GCC2: variants seen among roughly 807,000 people sequenced by gnomAD.
GCC2 encodes the protein GRIP and coiled-coil domain containing 2.
In GCC2, 120 loss-of-function variants were observed where a neutral mutation model predicts 210.6. The ratio of observed to expected loss-of-function variants is 0.57; its 90% confidence interval spans 0.49 to 0.66. The LOEUF (loss-of-function observed/expected upper bound fraction) is 0.66. GCC2 is among the 30% of genes least tolerant of loss of function. GCC2 has a pLI of 0.00. For synonymous variants in GCC2, 703 were observed against 652.7 expected, an observed-to-expected ratio of 1.08 and a Z score of -1.17; for missense variants, 1,868 against 1,871.9, an observed-to-expected ratio of 1.00 and a Z score of 0.04.
rs1198919570 is a variant in GCC2, at chr2:108,469,770, A to C, written c.441A>C (p.Glu147Asp). 1.9e-6 allele frequency: 3 copies of C among 1,613,760 alleles called. No individual in the cohort carries two copies. Among genetic ancestry groups the C allele is most frequent in the Non-Finnish European group, 2.5e-6 (3 of 1,179,808 alleles). ...TGGCAGTACGTTCCAAATACAGTGA[A>C]GACAAAGCTAACTTACAAAAGCAGC... ...ELMAVRSKYS[E>D]DKANLQKQLE... is the part of the protein sequence containing the mutation. The change falls in exon 6 of 23, where the codon GAA becomes GAC. Residue 147 changes from glutamate to aspartate, a missense_variant. By Grantham distance (45) the Glu-to-Asp change is conservative (BLOSUM62 2). This residue lies in a region of GCC2 where 1,847 missense variants were observed against 1,765.2 expected (regional missense o/e 1.05). Coordinates refer to ENST00000309863, the MANE Select transcript of GCC2 (RefSeq NM_181453.4).
intron 4 of GCC2, among the ~76,000 whole-genome samples, chr2:108,454,156 A>G (rs1306685338): frequency 6.6e-6 from 1 of 152,012 alleles, no homozygotes. Context: ...ATGCCTGGCT[A>G]ATTTTTTGTA....
intron 22 of GCC2, among the ~76,000 whole-genome samples, chr2:108,503,728 A>G (rs908258277): frequency 5.3e-5 from 8 of 152,226 alleles, no homozygotes; most frequent in Non-Finnish European, 1.0e-4. Context: ...TGTAAAGTTT[A>G]TAACAGTATT....
At chr2:108,500,462 G>C (rs1682862868) in intron 22 of GCC2, among the ~76,000 whole-genome samples, 1 of 152,146 alleles carries the variant, frequency 6.6e-6, no homozygotes, top group Non-Finnish European at 1.5e-5. Flanking sequence ...GCAGTGAGCT[G>C]TCACGCCACT....
At chr2:108,486,726 C>A in intron 16 of GCC2, 78 bp downstream of exon 16, 2 of 1,352,996 alleles carry the variant, frequency 1.5e-6, no homozygotes, top group East Asian at 2.4e-5. Flanking sequence ...CAGGGCTGTG[C>A]TCTGCCTTTT....
chr2:108,480,341 CAG>C, intron 9 of GCC2, among the ~76,000 whole-genome samples: 1 of 152,210 alleles, frequency 6.6e-6, no homozygotes, highest in Admixed American at 6.5e-5. Context: ...TTGTGGAAAA[CAG>C]ATTCCTCAAA....
At chr2:108,463,334 T>C (rs1255111945) in intron 4 of GCC2, among the ~76,000 whole-genome samples, 1 of 152,210 alleles carries the variant, frequency 6.6e-6, no homozygotes, top group Non-Finnish European at 1.5e-5. Context: ...CTTTTTCCAG[T>C]TTTTTTAATT....
rs1380914128 is a variant in GCC2 at position 108,486,582 on chromosome 2, C to G, written c.3864C>G (p.His1288Gln). The G allele has an allele frequency of 3.1e-6, 5 of 1,613,950 alleles. 1 individual carries two copies. In the African/African-American group the frequency reaches 6.7e-5, roughly 22 times the overall value. The change falls in exon 16 of 23, where the codon CAC becomes CAG. Residue 1288 changes from histidine (H) to glutamine (Q), a missense_variant. Physicochemically the swap from His to Gln is conservative, Grantham distance 24. Coordinates refer to ENST00000309863, the MANE Select transcript of GCC2 (RefSeq NM_181453.4). ...ACCTGAAAACCTCTGCGGAACAGCACCAGCGTACGCTAAGTGCATACCAGC... is the reference window on the plus strand; with the variant it reads ...ACCTGAAAACCTCTGCGGAACAGCAGCAGCGTACGCTAAGTGCATACCAGC... ...HEHLKTSAEQHQRTLSAYQQR... is the reference protein window; with the variant it reads ...HEHLKTSAEQQQRTLSAYQQR...
rs185077799 is a variant in GCC2, at chr2:108,453,469, T to C, written c.216+1003T>C. ...ATAATACTGCCAGATAACAAAATAT[T>C]GTTTTTATTCCCCGTTTAAAAACCT... On this transcript the variant is annotated intron_variant, in intron 4 of 22. Transcript: ENST00000309863. Among the ~76,000 whole-genome samples, 334 of 152,336 alleles carry C rather than the reference T, an allele frequency of 2.2e-3. 2 individuals are homozygous for C. The highest frequency in any genetic ancestry group is 2.9e-3 in the Non-Finnish European group (195 of 68,032).
chr2:108,502,271 T>A (rs1339590901), intron 22 of GCC2, among the ~76,000 whole-genome samples: 1 of 152,222 alleles, frequency 6.6e-6, no homozygotes, highest in Non-Finnish European at 1.5e-5. Context: ...ACTCAGCATG[T>A]CTAACAGGCC....
chr2:108,466,335 C>T (rs1028359684), intron 4 of GCC2, among the ~76,000 whole-genome samples: 11 of 152,038 alleles, frequency 7.2e-5, no homozygotes, highest in Non-Finnish European at 4.4e-5. Flanking sequence ...GCCACCACAC[C>T]CGGCCAACAT....
chr2:108,474,706 T>A (rs1681418467), intron 7 of GCC2: 1 of 151,686 alleles, frequency 6.6e-6, no homozygotes, highest in Admixed American at 6.6e-5. Flanking sequence ...ACCTGTCCCC[T>A]ACCCTCTTTA....
At chr2:108,449,308 C>CA in intron 1 of GCC2, 28 bp downstream of exon 1, 1 of 1,546,130 alleles carries the variant, frequency 6.5e-7, no homozygotes, top group East Asian at 2.5e-5. Context: ...CACTGCCTCC[C>CA]ATCAAGCCTT....
At chr2:108,494,382 A>G (rs1682542293) in intron 19 of GCC2, 1 of 152,270 alleles carries the variant, frequency 6.6e-6, no homozygotes, top group African/African-American at 2.4e-5. Context: ...TCAGAAAAAA[A>G]AAAAACACTA....
intron 4 of GCC2, among the ~76,000 whole-genome samples, chr2:108,456,295 C>G (rs1394040932): frequency 1.3e-5 from 2 of 152,116 alleles, no homozygotes; most frequent in Admixed American, 1.3e-4. Flanking sequence ...TGAGAAATCC[C>G]CAACTGTTTT....
At chr2:108,476,190 G>T (rs1224251077) in intron 9 of GCC2, among the ~76,000 whole-genome samples, 1 of 151,222 alleles carries the variant, frequency 6.6e-6, no homozygotes, top group African/African-American at 2.4e-5. Context: ...CTCCCGAGTA[G>T]CTGGGACTAC....
chr2:108,506,526 A>T (rs1401449991), intron 22 of GCC2, among the ~76,000 whole-genome samples: 10 of 152,308 alleles, frequency 6.6e-5, no homozygotes. Context: ...GGTGGTACGT[A>T]ACTGTGCATT....
intron 4 of GCC2, among the ~76,000 whole-genome samples, chr2:108,453,039 C>T (rs552028663): frequency 1.4e-4 from 21 of 152,316 alleles, no homozygotes; most frequent in African/African-American, 3.8e-4. Context: ...TCTTCCCCAG[C>T]CCCCTGAAAA....
rs1682149641 is a variant in GCC2 at position 108,486,559 on chromosome 2, C to T, written c.3841C>T (p.Leu1281=). The T allele has an allele frequency of 6.2e-7, 1 of 1,614,000 alleles. No homozygotes were observed. The highest frequency in any genetic ancestry group is 1.7e-5 in the Admixed American group (1 of 60,004). The change falls in exon 16 of 23, where the codon CTG becomes TTG. Residue 1281 remains leucine (L), a synonymous_variant. Transcript: ENST00000309863. Reference sequence around the variant, plus strand: ...AGAGAAGCACAAAATCCACGAGCACCTGAAAACCTCTGCGGAACAGCACCA... The same window carrying T: ...AGAGAAGCACAAAATCCACGAGCACTTGAAAACCTCTGCGGAACAGCACCA... ...TSEKHKIHEH[L]KTSAEQHQRT...
chr2:108,502,530 A>G (rs1199896997), intron 22 of GCC2, among the ~76,000 whole-genome samples: 5 of 152,242 alleles, frequency 3.3e-5, no homozygotes, highest in African/African-American at 7.2e-5. Context: ...AAGATTATTT[A>G]CTACTTGTCT....
Sources: gnomAD v4.1 joint callset for allele counts (sites outside exome capture counted in the v4.1 genomes callset) on GRCh38, gnomAD v4.1.1 for gene constraint, gnomAD v4.1.1 regional missense constraint, MANE v1.5 for transcripts, NCBI Gene and HGNC (gene_info 2026-07-23, HGNC 2026-07-21) for gene names.